APOO: variants seen among roughly 807,000 people sequenced by gnomAD.
APOO encodes the protein apolipoprotein O.
In APOO, 11 loss-of-function variants were observed where a neutral mutation model predicts 23.1. The observed-to-expected ratio is 0.48, with a 90% CI of 0.30 to 0.79. The LOEUF is 0.79. Ranked by LOEUF, APOO falls within the 30% of genes least tolerant of loss-of-function variation. APOO has a pLI of 0.07. For missense variants in APOO, 160 were observed against 142.7 expected, an observed-to-expected ratio of 1.12 and a Z score of -0.62; for synonymous variants, 59 against 54.8, an observed-to-expected ratio of 1.08 and a Z score of -0.34.
chrX:23,891,230 C>CT (rs1281953927), intron 1 of APOO, among the ~76,000 whole-genome samples: 40 of 107,741 alleles, frequency 3.7e-4, no homozygotes, highest in Non-Finnish European at 3.1e-4. Context: ...CTAATTCTTT[C>CT]TTTTTTTTTT....
chrX:23,847,358 G>A (rs924831065), intron 7 of APOO, among the ~76,000 whole-genome samples: 5 of 111,232 alleles, frequency 4.5e-5, no homozygotes, highest in African/African-American at 1.3e-4. Context: ...CAGGCGCAGC[G>A]GCTCACACCT....
chrX:23,901,066 C>T (rs906645608), intron 1 of APOO, among the ~76,000 whole-genome samples: 2 of 111,967 alleles, frequency 1.8e-5, no homozygotes, highest in East Asian at 5.5e-4. Context: ...TAATTCTCCG[C>T]GCAGTTCTAG....
rs773068967 is a variant in APOO at position 23,834,526 on chromosome X, C to T, written c.*30-914G>A. On this transcript the variant is annotated intron_variant, in intron 8 of 8. Transcript: ENST00000379226. The stretch of plus-strand genomic sequence containing the variant: ...GGATGAATAAATAAAAAACAAATGC[C>T]TAAATGGCACAGTACACATCACATC... Among the ~76,000 whole-genome samples the T allele has an allele frequency of 3.6e-5, 4 of 110,490 alleles. No homozygotes were observed. The South Asian group carries it at 1.5e-3, about 42-fold the overall frequency.
chrX:23,853,601 CCCGA>C (rs1345640628), intron 7 of APOO, among the ~76,000 whole-genome samples: 1 of 106,058 alleles, frequency 9.4e-6, no homozygotes, highest in Non-Finnish European at 1.9e-5. Context: ...AGCCACCGAG[CCCGA>C]CCGTTTTTTT....
intron 1 of APOO, among the ~76,000 whole-genome samples, chrX:23,893,426 A>AAAAT (rs963899679): frequency 1.9e-4 from 21 of 110,300 alleles, no homozygotes; most frequent in Non-Finnish European, 2.7e-4. Context: ...CTCCGTCTGA[A>AAAAT]AAATAAATAA....
At chrX:23,857,895 A>G (rs1338116431) in intron 6 of APOO, among the ~76,000 whole-genome samples, 1 of 111,118 alleles carries the variant, frequency 9.0e-6, no homozygotes, top group Non-Finnish European at 1.9e-5. Context: ...ATAGGCATTA[A>G]TAACAAACCA....
intron 1 of APOO, among the ~76,000 whole-genome samples, chrX:23,888,270 C>T (rs1926461359): frequency 8.9e-6 from 1 of 112,274 alleles, no homozygotes; most frequent in Non-Finnish European, 1.9e-5. Flanking sequence ...CTGTCATCAT[C>T]TTAAAGACAT....
chrX:23,837,497 G>A (rs1258828519), intron 8 of APOO, among the ~76,000 whole-genome samples: 1 of 109,701 alleles, frequency 9.1e-6, no homozygotes, highest in Non-Finnish European at 1.9e-5. Flanking sequence ...CATCCCCCCA[G>A]ATAAATAACA....
At chrX:23,878,893 T>A in intron 3 of APOO, 22 bp downstream of exon 3, 1 of 1,205,401 alleles carries the variant, frequency 8.3e-7, no homozygotes, top group Non-Finnish European at 1.1e-6. Flanking sequence ...ATGCGTTCAC[T>A]CCATTTTCAG....
intron 3 of APOO, among the ~76,000 whole-genome samples, chrX:23,877,731 G>A (rs1478968283): frequency 5.7e-5 from 6 of 106,001 alleles, no homozygotes; most frequent in African/African-American, 1.4e-4. Context: ...CTGAGAGCAC[G>A]CTACTGCACT....
At chrX:23,837,958 C>CCAAT (rs1923774196) in intron 8 of APOO, among the ~76,000 whole-genome samples, 4 of 94,965 alleles carry the variant, frequency 4.2e-5, no homozygotes, top group Non-Finnish European at 8.3e-5. Flanking sequence ...CTGCACCCGG[C>CCAAT]CTATCTATCT....
chrX:23,859,376 C>T (rs1389327477), intron 5 of APOO, among the ~76,000 whole-genome samples: 1 of 111,008 alleles, frequency 9.0e-6, no homozygotes, highest in Admixed American at 9.7e-5. Context: ...TCAACTCCCC[C>T]GTACCGTCCA....
chrX:23,898,920 A>G (rs747498543), intron 1 of APOO, among the ~76,000 whole-genome samples: 1 of 112,784 alleles, frequency 8.9e-6, no homozygotes, highest in Non-Finnish European at 1.9e-5. Flanking sequence ...GGAAAAGAAA[A>G]AAAGAACCTT....
At position 23,878,907 on chromosome X, in the gene APOO, A is replaced by G. The variant is rs754533939; in HGVS notation, c.237+8T>C. 1 of 1,208,440 alleles carries G rather than the reference A, an allele frequency of 8.3e-7. No homozygotes were observed. The highest frequency in any genetic ancestry group is 1.1e-6 in the Non-Finnish European group (1 of 893,353). ...AATGCGTTCACTCCATTTTCAGAAC[A>G]GTTGTACCTGACACCAGGTTGTGTA... On this transcript the variant is annotated splice_region_variant and intron_variant, in intron 3 of 8. Transcript: ENST00000379226.
At chrX:23,847,422 C>A (rs948444337) in intron 7 of APOO, among the ~76,000 whole-genome samples, 1 of 110,009 alleles carries the variant, frequency 9.1e-6, no homozygotes, top group East Asian at 2.9e-4. Context: ...GTCAGGAGAT[C>A]GAGATCATCC....
rs187329223 is a variant in APOO, at chrX:23,879,295, G to T, written c.118-261C>A. On this transcript the variant is annotated intron_variant, in intron 2 of 8. Transcript: ENST00000379226. Reference sequence around the variant, plus strand: ...TACTAAAAATACAAAACTTAGCCAGGTGTCGCGGTAGGCGCCTGTAATCCC... The same window carrying T: ...TACTAAAAATACAAAACTTAGCCAGTTGTCGCGGTAGGCGCCTGTAATCCC... 3.8e-3 allele frequency among the ~76,000 whole-genome samples: 423 copies of T among 111,434 alleles called. 1 individual carries two copies. Among genetic ancestry groups the T allele is most frequent in the African/African-American group, 0.013 (407 of 30,705 alleles).
At chrX:23,894,210 T>C (rs780749543) in intron 1 of APOO, among the ~76,000 whole-genome samples, 3 of 109,681 alleles carry the variant, frequency 2.7e-5, no homozygotes, top group Non-Finnish European at 5.7e-5. Flanking sequence ...AGTGGTGTGA[T>C]CTCGGCTCAC....
At chrX:23,833,635 A>G (rs1217854920) in intron 8 of APOO, 23 bp from the exon 9 acceptor site, 1 of 112,962 alleles carries the variant, frequency 8.9e-6, no homozygotes, top group Non-Finnish European at 1.9e-5. Context: ...AAAGAAAAAC[A>G]TAAGTAACTG....
chrX:23,897,592 T>C (rs1363353423), intron 1 of APOO, among the ~76,000 whole-genome samples: 1 of 112,030 alleles, frequency 8.9e-6, no homozygotes, highest in African/African-American at 3.2e-5. Context: ...GAAAAAATCG[T>C]TGGGAAACAT....
Sources: allele counts gnomAD v4.1 joint callset (sites outside exome capture counted in the v4.1 genomes callset), GRCh38; gene constraint gnomAD v4.1.1; transcripts MANE v1.5; gene names NCBI Gene and HGNC (gene_info 2026-07-23, HGNC 2026-07-21).